The following GPR179 variants were observed in gnomAD, a reference collection of about 807,000 sequenced individuals.
The protein encoded by GPR179 is probable G protein-coupled receptor 179.
In GPR179, 52 loss-of-function variants were observed where a neutral mutation model predicts 70.8. The observed-to-expected ratio is 0.73, with a 90% CI of 0.59 to 0.93. GPR179 has a LOEUF of 0.93. GPR179 is among the 40% of genes least tolerant of loss of function. GPR179 has a pLI of 0.00. For synonymous variants in GPR179, 1,123 were observed against 1,169.0 expected (o/e 0.96, Z 0.80); for missense variants, 2,734 against 2,966.8 (o/e 0.92, Z 1.82).
chr17:38,343,083 C>A lies in GPR179; in HGVS notation c.707G>T (p.Cys236Phe). 6.2e-7 allele frequency: 1 copy of A among 1,614,158 alleles called. No individual in the cohort carries two copies. Among genetic ancestry groups the A allele is most frequent in the South Asian group, 1.1e-5 (1 of 91,078 alleles). The part of the protein sequence containing the change: ...QVRLSPPFLE[C>F]QEGRLRPGWL... The stretch of plus-strand genomic sequence containing the variant: ...TCCAGGTCGGAGCCGTCCCTCCTGG[C>A]ATTCCAGGAAAGGAGGAGACAGCCT... The change falls in exon 1 of 11, where the codon TGC (cysteine) becomes TTC (phenylalanine). Residue 236 changes from cysteine (C) to phenylalanine (F), a missense_variant. Physicochemically the swap from Cys to Phe is radical, Grantham distance 205. Transcript: ENST00000616987. This position sits in a 1 kb window ranked among gnomAD's most constrained non-coding sequence, Gnocchi z 4.2.
chr17:38,327,655 G>A lies in GPR179; in HGVS notation c.5914C>T (p.Leu1972=). 1.9e-6 allele frequency: 3 copies of A among 1,614,214 alleles called. No individual in the cohort carries two copies. Among genetic ancestry groups the A allele is most frequent in the Non-Finnish European group, 2.5e-6 (3 of 1,180,028 alleles). ...TTAPADSVSH[L]DRQRPDQPKA... is the part of the protein sequence containing the mutation. ...GGTTGGTCAGGGCGCTGTCTGTCTA[G>A]GTGAGAGACGGAATCTGCTGGGGCA... Residue 1972 remains leucine, a synonymous_variant, in exon 11 of 11, where the codon CTA becomes TTA. Coordinates refer to ENST00000616987, the MANE Select transcript of GPR179 (RefSeq NM_001004334.4).
chr17:38,333,452 C>A, intron 9 of GPR179, 55 bp from the exon 10 acceptor site: 1 of 1,538,940 alleles, frequency 6.5e-7, no homozygotes, highest in South Asian at 1.2e-5. Flanking sequence ...CTTGTCCACT[C>A]CTGCACTCAC....
rs868376397 is a variant in GPR179 at position 38,326,701 on chromosome 17, T to C, written c.6868A>G (p.Ser2290Gly). Residue 2290 changes from serine (S) to glycine (G), a missense_variant, in exon 11 of 11, where the codon AGC (serine) becomes GGC (glycine). Coordinates refer to ENST00000616987, the MANE Select transcript of GPR179 (RefSeq NM_001004334.4). ...CTTACCTTGGGGCAGGGGATTTTGC[T>C]TTCTGGAAAGAAGTGATCCAGAGGC... ...HGPLDHFFPE[S>G]KIPCPKVSRP... The C allele has an allele frequency of 6.2e-7, 1 of 1,614,040 alleles. No homozygotes were observed. The highest frequency in any genetic ancestry group is 8.5e-7 in the Non-Finnish European group (1 of 1,180,022).
rs4398144 is a variant in GPR179, at chr17:38,329,428, A to G, written c.4141T>C (p.Cys1381Arg). The G allele has an allele frequency of 9.7e-4, 1,558 of 1,614,144 alleles. 18 individuals are homozygous for G. In the African/African-American group the frequency reaches 0.019, roughly 19 times the overall value. The change falls in exon 11 of 11, where the codon TGT (cysteine) becomes CGT (arginine). Residue 1381 changes from cysteine (C) to arginine (R), a missense_variant. Transcript: ENST00000616987. ...CCTCCTTCACTTGCCTCCCAGGGACACGGCTCTGCCTTGGTGATGTCAGGG... is the reference window on the plus strand; with the variant it reads ...CCTCCTTCACTTGCCTCCCAGGGACGCGGCTCTGCCTTGGTGATGTCAGGG... ...HTPDITKAEP[C>R]PWEASEGGED...
In GPR179 at chr17:38,328,880, G is replaced by C; in HGVS notation, c.4689C>G (p.Cys1563Trp). ...CCTGCGTTGCTCTGCTTCCTCCATT[G>C]CATAGGAATTGGCTACCAGCTTTGG... ...SSSKAGSQFL[C>W]NGGSRATQVC... Residue 1563 changes from cysteine (C) to tryptophan (W), a missense_variant, in exon 11 of 11, where the codon TGC becomes TGG. Coordinates refer to ENST00000616987, the MANE Select transcript of GPR179 (RefSeq NM_001004334.4). The C allele has an allele frequency of 1.2e-6, 2 of 1,613,728 alleles. No individual in the cohort carries two copies. The highest frequency in any genetic ancestry group is 1.7e-6 in the Non-Finnish European group (2 of 1,179,962).
At position 38,335,582 on chromosome 17, in the gene GPR179, A is replaced by G; in HGVS notation, c.1406+9T>C. On this transcript the variant is annotated intron_variant, in intron 6 of 10. Transcript: ENST00000616987. ...GCAGCATGAGAGCAAAGTCTGCCCC[A>G]GGCCGTACCTGTAAAGCTTGAGTAT... 6 of 1,592,560 alleles carry G rather than the reference A, an allele frequency of 3.8e-6. No individual in the cohort carries two copies. The highest frequency in any genetic ancestry group is 5.2e-6 in the Non-Finnish European group (6 of 1,160,444).
chr17:38,342,373 G>A (rs1000654914), intron 1 of GPR179, among the ~76,000 whole-genome samples: 3 of 142,098 alleles, frequency 2.1e-5, no homozygotes, highest in African/African-American at 8.1e-5. Context: ...TGCTCTTGTT[G>A]CCCAGGCTGG....
rs2037341108 is a variant in GPR179 at position 38,330,300 on chromosome 17, G to A, written c.3269C>T (p.Ala1090Val). ...QQGSMRSLGL[A>V]IKALTRSRST... ...CCGAGAACGGGTCAGAGCTTTAATC[G>A]CCAGCCCCAGGCTGCGCATGGAACC... The change falls in exon 11 of 11, where the codon GCG (alanine) becomes GTG (valine). Residue 1090 changes from alanine to valine, a missense_variant. Ala to Val is a moderately conservative substitution (Grantham distance 64, BLOSUM62 0). Coordinates refer to ENST00000616987, the MANE Select transcript of GPR179 (RefSeq NM_001004334.4). 6 of 1,611,842 alleles carry A rather than the reference G, an allele frequency of 3.7e-6. No individual in the cohort carries two copies. Among genetic ancestry groups the A allele is most frequent in the South Asian group, 2.2e-5 (2 of 90,860 alleles).
chr17:38,327,181 T>G lies in GPR179; in HGVS notation c.6388A>C (p.Ile2130Leu). The change falls in exon 11 of 11, where the codon ATC becomes CTC. Residue 2130 changes from isoleucine to leucine, a missense_variant. Physicochemically the swap from Ile to Leu is conservative, Grantham distance 5. Coordinates refer to ENST00000616987, the MANE Select transcript of GPR179 (RefSeq NM_001004334.4). ...VEAPSAKKAE[I>L]CPWEAGGGAA... ...CCTCCACCCGCCTCCCAAGGGCAGA[T>G]CTCTGCTTTCTTGGCAGAGGGAGCC... is the stretch of plus-strand genomic sequence containing the variant. 1 of 1,614,242 alleles carries G rather than the reference T, an allele frequency of 6.2e-7. No individual in the cohort carries two copies. Among genetic ancestry groups the G allele is most frequent in the South Asian group, 1.1e-5 (1 of 91,084 alleles).
chr17:38,335,373 C>T, intron 6 of GPR179, 102 bp from the exon 7 acceptor site: 1 of 904,098 alleles, frequency 1.1e-6, no homozygotes, highest in Non-Finnish European at 1.7e-6. Flanking sequence ...CTCTCCTCCA[C>T]ACAGGTACTT....
rs1015366201 is a variant in GPR179, at chr17:38,334,360, G to A, written c.1785-322C>T. 6.6e-6 allele frequency among the ~76,000 whole-genome samples: 1 copy of A among 152,214 alleles called. No homozygotes were observed. The highest frequency in any genetic ancestry group is 2.4e-5 in the African/African-American group (1 of 41,462). ...GGTCGTTATGGACAAACAGCAGCCT[G>A]CTGCTCTTATGGCTGAGGAGTGAGG... On this transcript the variant is annotated intron_variant, in intron 8 of 10. Transcript: ENST00000616987. The surrounding 1 kb of genome is among the most constrained non-coding windows in gnomAD (Gnocchi z 4.7).
chr17:38,325,223 T>G lies in GPR179; in HGVS notation c.*1242A>C, dbSNP rs989434725. The stretch of plus-strand genomic sequence containing the variant: ...TAATCTAGTACTGCTTAAGCAAGTG[T>G]AGCCTGAACTGACGAGAGAAGGGAG... On this transcript the variant is annotated 3_prime_UTR_variant, in exon 11 of 11. Transcript: ENST00000616987. Among the ~76,000 whole-genome samples, 1 of 152,206 alleles carries G rather than the reference T, an allele frequency of 6.6e-6. No homozygotes were observed. Among genetic ancestry groups the G allele is most frequent in the Non-Finnish European group, 1.5e-5 (1 of 68,038 alleles).
rs1199638309 is a variant in GPR179 at position 38,330,116 on chromosome 17, C to CT, written c.3452dup (p.Ser1152ValfsTer42). The CT allele has an allele frequency of 4.3e-6, 7 of 1,609,642 alleles. No homozygotes were observed. The African/African-American group carries it at 9.4e-5, about 22-fold the overall frequency. On this transcript the variant is annotated frameshift_variant, in exon 11 of 11. Coordinates refer to ENST00000616987, the MANE Select transcript of GPR179 (RefSeq NM_001004334.4). LOFTEE classifies it low-confidence loss of function (END_TRUNC). ...GAGCGTTCTGTTGGTTCTGGAGGGA[C>CT]TCCTTGTCATCGGAGGGGATAAGAG...
chr17:38,335,387 C>T, intron 6 of GPR179, 116 bp from the exon 7 acceptor site: 1 of 856,558 alleles, frequency 1.2e-6, no homozygotes, highest in Non-Finnish European at 1.8e-6. Context: ...GGTACTTGTC[C>T]TTCCATCCTT....
rs1296419692 is a variant in GPR179, at chr17:38,343,113, T to C, written c.677A>G (p.Gln226Arg). 2 of 1,614,222 alleles carry C rather than the reference T, an allele frequency of 1.2e-6. No homozygotes were observed. The highest frequency in any genetic ancestry group is 1.1e-5 in the South Asian group (1 of 91,088). The change falls in exon 1 of 11, where the codon CAG becomes CGG. Residue 226 changes from glutamine to arginine, a missense_variant. Gln to Arg is a conservative substitution (Grantham distance 43, BLOSUM62 1). Transcript: ENST00000616987. The surrounding 1 kb of genome is among the most constrained non-coding windows in gnomAD (Gnocchi z 4.2). ...QADGYVGDTQ[Q>R]VRLSPPFLEC... ...CAGGAAAGGAGGAGACAGCCTCACC[T>C]GCTGCGTGTCCCCCACATATCCATC...
Position 38,336,107 on chromosome 17 carries a change from A to G in GPR179, c.1265T>C (p.Val422Ala), listed in dbSNP as rs1244152791. The change falls in exon 5 of 11, where the codon GTC becomes GCC. Residue 422 changes from valine to alanine, a missense_variant. Coordinates refer to ENST00000616987, the MANE Select transcript of GPR179 (RefSeq NM_001004334.4). ...WASGVVLLET[V>A]LFGFLLLYFP... ...GTAAAGCAGCAGGAATCCAAAAAGG[A>G]CAGTTTCCAGCAGGACCACTCCAGA... The G allele has an allele frequency of 3.1e-6, 5 of 1,613,576 alleles. No individual in the cohort carries two copies. The highest frequency in any genetic ancestry group is 1.3e-5 in the African/African-American group (1 of 74,874).
chr17:38,331,521 T>G lies in GPR179; in HGVS notation c.2048A>C (p.Lys683Thr), dbSNP rs1400258522. The G allele has an allele frequency of 6.2e-7, 1 of 1,604,484 alleles. No individual in the cohort carries two copies. Among genetic ancestry groups the G allele is most frequent in the Admixed American group, 1.7e-5 (1 of 59,626 alleles). The change falls in exon 11 of 11, where the codon AAG becomes ACG. Residue 683 changes from lysine to threonine, a missense_variant. Coordinates refer to ENST00000616987, the MANE Select transcript of GPR179 (RefSeq NM_001004334.4). The part of the protein sequence containing the change: ...LDPGDIRDEL[K>T]KLYAQLEVHK... ...GACCTCTAGCTGGGCATAGAGCTTC[T>G]TCAGCTCGTCCTGTGGGGCAGCAGG... is the stretch of plus-strand genomic sequence containing the variant.
Position 38,331,145 on chromosome 17 carries a change from CTCCACCGACTCCCGGCTCTCTGT to C in GPR179, c.2401_2423del (p.Thr801GlyfsTer114), listed in dbSNP as rs779130471. The C allele has an allele frequency of 6.2e-7, 1 of 1,606,026 alleles. No homozygotes were observed. ...ACCTGAAGCCCAGGGCAGGGGGCCC[CTCCACCGACTCCCGGCTCTCTGT>C]TCGAGAGGCCTTCTTGGCCAGCTTC... On this transcript the variant is annotated frameshift_variant, in exon 11 of 11. Coordinates refer to ENST00000616987, the MANE Select transcript of GPR179 (RefSeq NM_001004334.4). LOFTEE classifies it low-confidence loss of function (END_TRUNC).
At chr17:38,333,859 C>A in intron 9 of GPR179, 74 bp downstream of exon 9, 2 of 1,175,058 alleles carry the variant, frequency 1.7e-6, no homozygotes, top group East Asian at 2.4e-5. Flanking sequence ...GAGGGCGCTG[C>A]GGGACAACCG....
Sources: allele counts gnomAD v4.1 joint callset (sites outside exome capture counted in the v4.1 genomes callset), GRCh38; gene constraint gnomAD v4.1.1; non-coding constraint Gnocchi (gnomAD v3.1); transcripts MANE v1.5; gene names NCBI Gene and HGNC (gene_info 2026-07-23, HGNC 2026-07-21).